AP3D1: variants seen among roughly 807,000 people sequenced by gnomAD.
AP3D1 encodes adaptor related protein complex 3 subunit delta 1, also known as AP-3 complex subunit delta-1.
Under a neutral mutation model 147.6 loss-of-function variants are expected in AP3D1, and 51 were observed. The ratio of observed to expected loss-of-function variants is 0.35; its 90% CI spans 0.28 to 0.44. The LOEUF (loss-of-function observed/expected upper bound fraction) is 0.44, where lower values mean the gene tolerates loss of function less well. Ranked by LOEUF, AP3D1 falls within the 20% of genes least tolerant of loss-of-function variation. The probability of loss-of-function intolerance (pLI) is 1.00; values close to 1 mark genes in which losing one functional copy is unlikely to be tolerated. For synonymous variants in AP3D1, 760 were observed against 663.0 expected (o/e 1.15, Z -2.25); for missense variants, 1,421 against 1,624.2 (o/e 0.87, Z 2.15).
Position 2,109,102 on chromosome 19 carries a change from A to G in AP3D1, c.3456T>C (p.Phe1152=), listed in dbSNP as rs1341654138. Residue 1152 remains phenylalanine, a synonymous_variant, in exon 30 of 32, where the codon TTT becomes TTC. Coordinates refer to ENST00000643116, the MANE Select transcript of AP3D1 (RefSeq NM_001261826.3). Reference sequence around the variant, plus strand: ...TCTCCTTACCGGAAAAATGGTGGTGAAAACAGATCTTCGCCAGAAGATTCT... The same window carrying G: ...TCTCCTTACCGGAAAAATGGTGGTGGAAACAGATCTTCGCCAGAAGATTCT... ...SFQNLLAKIC[F]HHHFSVVERV... The G allele has an allele frequency of 1.2e-6, 2 of 1,608,376 alleles. No homozygotes were observed. The highest frequency in any genetic ancestry group is 1.7e-6 in the Non-Finnish European group (2 of 1,178,458).
chr19:2,102,016 A>G lies in AP3D1; in HGVS notation c.*157T>C. 1.6e-6 allele frequency: 1 copy of G among 629,298 alleles called. No homozygotes were observed. The highest frequency in any genetic ancestry group is 2.8e-6 in the Non-Finnish European group (1 of 358,444). 39.0% of individuals were successfully genotyped at this position (629,298 alleles called of 1,614,324 possible). On this transcript the variant is annotated 3_prime_UTR_variant, in exon 32 of 32. Transcript: ENST00000643116. Reference sequence around the variant, plus strand: ...AAGGATGGTCAGATAATTCAACGCAACAAATGACCTCGGATGTCTACACGG... The same window carrying G: ...AAGGATGGTCAGATAATTCAACGCAGCAAATGACCTCGGATGTCTACACGG...
At chr19:2,120,419 G>A (rs2018576876) in intron 14 of AP3D1, among the ~76,000 whole-genome samples, 4 of 152,214 alleles carry the variant, frequency 2.6e-5, no homozygotes, top group Admixed American at 6.5e-5. Flanking sequence ...AGGCAGGCTG[G>A]GGCTGAGCAG....
In AP3D1 at chr19:2,143,290, G is replaced by A. The variant is rs183187021; in HGVS notation, c.97-4576C>T. Reference sequence around the variant, plus strand: ...GAGTCCTGCTCTGTCGCCCAGGCTGGAGTGCAGCAGCGCGATCTCAGCTCA... The same window carrying A: ...GAGTCCTGCTCTGTCGCCCAGGCTGAAGTGCAGCAGCGCGATCTCAGCTCA... On this transcript the variant is annotated intron_variant, in intron 1 of 31. Transcript: ENST00000643116. Among the ~76,000 whole-genome samples, 456 of 137,716 alleles carry A rather than the reference G, an allele frequency of 3.3e-3. 3 individuals are homozygous for A. The highest frequency in any genetic ancestry group is 0.012 in the African/African-American group (425 of 35,998). 90.3% of individuals were successfully genotyped at this position (137,716 alleles called of 152,430 possible).
intron 9 of AP3D1, among the ~76,000 whole-genome samples, chr19:2,124,370 C>T (rs74446699): frequency 0.12 from 18,988 of 152,270 alleles, 1,305 homozygotes; most frequent in Non-Finnish European, 0.16. Context: ...CCAACATCCC[C>T]GGAGCCATTC....
intron 31 of AP3D1, among the ~76,000 whole-genome samples, chr19:2,106,520 C>G (rs1266145784): frequency 6.6e-6 from 1 of 151,960 alleles, no homozygotes; most frequent in African/African-American, 2.4e-5. Context: ...GTACTCTAGC[C>G]TGGGTAACAG....
chr19:2,116,352 A>G (rs2018448803), intron 17 of AP3D1, 74 bp from the exon 18 acceptor site: 1 of 1,479,972 alleles, frequency 6.8e-7, no homozygotes, highest in African/African-American at 1.4e-5. Flanking sequence ...ACCACCAGCC[A>G]CCCAGCTGGG....
At chr19:2,157,158 T>C (rs1273822898) in intron 1 of AP3D1, among the ~76,000 whole-genome samples, 1 of 149,974 alleles carries the variant, frequency 6.7e-6, no homozygotes, top group Non-Finnish European at 1.5e-5. Context: ...AAAACAAACA[T>C]CTGGCCGGGT....
At position 2,134,382 on chromosome 19, in the gene AP3D1, C is replaced by T. The variant is rs534043584; in HGVS notation, c.355-1804G>A. Among the ~76,000 whole-genome samples, 9 of 151,678 alleles carry T rather than the reference C, an allele frequency of 5.9e-5. No homozygotes were observed. In the South Asian group the frequency reaches 1.9e-3, roughly 32 times the overall value. On this transcript the variant is annotated intron_variant, in intron 4 of 31. Coordinates refer to ENST00000643116, the MANE Select transcript of AP3D1 (RefSeq NM_001261826.3). ...GCTGCAGTGAGCTGCAATTGCGCTACTGCTCTCCAGCCTGGGTGACAGAGC... is the reference window on the plus strand; with the variant it reads ...GCTGCAGTGAGCTGCAATTGCGCTATTGCTCTCCAGCCTGGGTGACAGAGC...
chr19:2,154,933 A>G (rs1014553566), upstream of AP3D1, among the ~76,000 whole-genome samples: 2 of 152,220 alleles, frequency 1.3e-5, no homozygotes, highest in Non-Finnish European at 2.9e-5. Flanking sequence ...CATTCCCAGC[A>G]CTTCCGGAGG....
intron 1 of AP3D1, among the ~76,000 whole-genome samples, chr19:2,149,544 A>C (rs943768040): frequency 1.2e-4 from 7 of 58,602 alleles, no homozygotes; most frequent in African/African-American, 2.8e-4. Context: ...ACTCCGTCTC[A>C]AAAAAAAAAA....
chr19:2,145,946 C>T (rs938568763), intron 1 of AP3D1, among the ~76,000 whole-genome samples: 3 of 152,240 alleles, frequency 2.0e-5, no homozygotes, highest in Non-Finnish European at 4.4e-5. Context: ...GCTGCACCCC[C>T]CAAACACCCC....
intron 1 of AP3D1, among the ~76,000 whole-genome samples, chr19:2,149,813 C>A (rs1364466428): frequency 6.6e-6 from 1 of 152,204 alleles, no homozygotes; most frequent in Non-Finnish European, 1.5e-5. Context: ...GCTGGGAGAT[C>A]CTGCCTGTGC....
Position 2,112,845 on chromosome 19 carries a change from G to T in AP3D1, c.2787+15C>A, listed in dbSNP as rs199564568. 2.9e-3 allele frequency: 4,646 copies of T among 1,598,600 alleles called. 10 individuals carry two copies. The highest frequency in any genetic ancestry group is 3.5e-3 in the Non-Finnish European group (4,086 of 1,170,830). ...ATGCAGCCCTCCACAGCCCCTGGGGGAGTGACAGCCTCACCTTGTCCTGGT... is the reference window on the plus strand; with the variant it reads ...ATGCAGCCCTCCACAGCCCCTGGGGTAGTGACAGCCTCACCTTGTCCTGGT... On this transcript the variant is annotated intron_variant, in intron 24 of 31. Transcript: ENST00000643116.
chr19:2,145,191 G>A (rs911020766), intron 1 of AP3D1, among the ~76,000 whole-genome samples: 1 of 152,220 alleles, frequency 6.6e-6, no homozygotes, highest in African/African-American at 2.4e-5. Context: ...CATCTGGACC[G>A]CAGCTCCCTG....
In AP3D1 at chr19:2,123,329, A is replaced by G. The variant is rs76578931; in HGVS notation, c.955+29T>C. ...ACTTCACAGAGCTGGGGACACGAAA[A>G]TGACAGCACTGGGGAGGGGATGACT... On this transcript the variant is annotated intron_variant, in intron 11 of 31. Coordinates refer to ENST00000643116, the MANE Select transcript of AP3D1 (RefSeq NM_001261826.3). 0.15 allele frequency: 240,900 copies of G among 1,609,580 alleles called. 19,295 individuals carry two copies. The highest frequency in any genetic ancestry group is 0.16 in the Non-Finnish European group (193,051 of 1,176,758).
chr19:2,123,253 T>A, intron 11 of AP3D1, 105 bp downstream of exon 11: 3 of 1,163,580 alleles, frequency 2.6e-6, no homozygotes, highest in Non-Finnish European at 2.5e-6. Context: ...GGGAGACAGC[T>A]GGGGTTGCAG....
At chr19:2,149,936 T>C (rs1241051819) in intron 1 of AP3D1, among the ~76,000 whole-genome samples, 1 of 152,188 alleles carries the variant, frequency 6.6e-6, no homozygotes, top group Admixed American at 6.6e-5. Context: ...ATTACTCCAG[T>C]TAGTTACACG....
intron 9 of AP3D1, among the ~76,000 whole-genome samples, chr19:2,124,695 C>G (rs1193040160): frequency 6.6e-6 from 1 of 152,186 alleles, no homozygotes; most frequent in Non-Finnish European, 1.5e-5. Flanking sequence ...AATCCCAGCG[C>G]TTTGGGAGGC....
At chr19:2,131,341 G>A (rs73916852) in intron 5 of AP3D1, among the ~76,000 whole-genome samples, 8,800 of 148,906 alleles carry the variant, frequency 0.059, 333 homozygotes, top group East Asian at 0.15. Flanking sequence ...AGGCAGCCAC[G>A]TGGGGACAGT....
Sources: allele counts gnomAD v4.1 joint callset (sites outside exome capture counted in the v4.1 genomes callset), GRCh38; gene constraint gnomAD v4.1.1; transcripts MANE v1.5; gene names NCBI Gene and HGNC (gene_info 2026-07-23, HGNC 2026-07-21).